The following TECR variants were observed in gnomAD, a reference collection of about 807,000 sequenced individuals.
TECR encodes trans-2,3-enoyl-CoA reductase, also known as very-long-chain enoyl-CoA reductase.
In TECR, 19 loss-of-function variants were observed where a neutral mutation model predicts 50.6. The ratio of observed to expected loss-of-function variants is 0.38; its 90% CI spans 0.26 to 0.55. The LOEUF (loss-of-function observed/expected upper bound fraction) is 0.55, where lower values mean the gene tolerates loss of function less well. Among genes scored for constraint, TECR ranks in the 20% least tolerant of loss-of-function variants. The pLI, the probability that TECR is intolerant of heterozygous loss-of-function variation, is 0.79. For missense variants in TECR, 313 were observed against 408.3 expected, an observed-to-expected ratio of 0.77 and a Z score of 2.01; for synonymous variants, 168 against 163.5, an observed-to-expected ratio of 1.03 and a Z score of -0.21.
In TECR at chr19:14,564,921, TG is replaced by T. The variant is rs779233361; in HGVS notation, c.563-25del. ...CCCCACCCAGCGGGTCCTCCCCTCA[TG>T]GGCTCCCCTCCCTGCTTCCTCTTCA... On this transcript the variant is annotated intron_variant, in intron 8 of 12. Coordinates refer to ENST00000215567, the MANE Select transcript of TECR (RefSeq NM_138501.6). The T allele has an allele frequency of 5.8e-5, 93 of 1,613,976 alleles. 1 individual carries two copies. In the South Asian group the frequency reaches 9.9e-4, roughly 17 times the overall value.
rs1342974456 is a variant in TECR at position 14,549,999 on chromosome 19, T to TG, written c.16-12525dup. Among the ~76,000 whole-genome samples the TG allele has an allele frequency of 4.0e-5, 6 of 151,792 alleles. No individual in the cohort carries two copies. The East Asian group carries it at 1.2e-3, about 29-fold the overall frequency. On this transcript the variant is annotated intron_variant, in intron 1 of 12. Transcript: ENST00000215567. ...CCTGCCCCCTTCAACTGCCACTCCC[T>TG]GTCCCCTTTCCTTTCTTTCTTCTTT...
intron 1 of TECR, among the ~76,000 whole-genome samples, chr19:14,535,564 ATATATATATATATATATATATATATG>A (rs1288960090): frequency 0.026 from 641 of 24,872 alleles, 15 homozygotes; most frequent in South Asian, 0.14. Flanking sequence ...ATATATATAT[ATATATATATATATATATATATATATG>A]TATGTATATA....
intron 1 of TECR, among the ~76,000 whole-genome samples, chr19:14,544,812 C>T (rs1005279139): frequency 2.0e-5 from 3 of 151,902 alleles, no homozygotes; most frequent in Admixed American, 1.3e-4. Context: ...TGAAAATTTT[C>T]TGTAGAGATG....
At chr19:14,556,950 C>T (rs1273435583) in intron 1 of TECR, among the ~76,000 whole-genome samples, 1 of 152,034 alleles carries the variant, frequency 6.6e-6, no homozygotes, top group Non-Finnish European at 1.5e-5. Flanking sequence ...TCACTGTGAC[C>T]AGCTGGGCGA....
intron 1 of TECR, among the ~76,000 whole-genome samples, chr19:14,551,930 TC>T (rs2073526886): frequency 9.2e-6 from 1 of 108,188 alleles, no homozygotes; most frequent in Admixed American, 9.0e-5. Context: ...TCCCTCCCTC[TC>T]TCTCTCCCTC....
intron 1 of TECR, among the ~76,000 whole-genome samples, chr19:14,544,474 T>A (rs944924478): frequency 1.3e-5 from 2 of 152,012 alleles, no homozygotes; most frequent in Non-Finnish European, 2.9e-5. Context: ...AGGACGAGGA[T>A]GCTTGCATGA....
chr19:14,544,848 G>A (rs1599444445), intron 1 of TECR, among the ~76,000 whole-genome samples: 1 of 152,112 alleles, frequency 6.6e-6, no homozygotes, highest in East Asian at 1.9e-4. Context: ...GCCTAAGCTG[G>A]TCTTGAACTC....
At chr19:14,558,481 A>T (rs2073808015) in intron 1 of TECR, among the ~76,000 whole-genome samples, 1 of 152,084 alleles carries the variant, frequency 6.6e-6, no homozygotes, top group African/African-American at 2.4e-5. Flanking sequence ...TCGTGCTGCG[A>T]CGAGTTGCTG....
upstream of TECR, chr19:14,529,517 C>A: frequency 1.2e-6 from 1 of 804,392 alleles, no homozygotes; most frequent in Non-Finnish European, 2.1e-6. Flanking sequence ...GGAGCAGGGG[C>A]GAACGTGGGC....
At chr19:14,534,942 C>T (rs956391745) in intron 1 of TECR, among the ~76,000 whole-genome samples, 8 of 152,274 alleles carry the variant, frequency 5.3e-5, no homozygotes, top group African/African-American at 1.7e-4. Context: ...GCTGGTGGCT[C>T]TCCTGCTGTG....
intron 1 of TECR, among the ~76,000 whole-genome samples, chr19:14,538,339 G>A (rs1002370097): frequency 3.9e-5 from 6 of 152,054 alleles, no homozygotes; most frequent in South Asian, 2.1e-4. Flanking sequence ...CACCCTGTGA[G>A]GCCAGGATAA....
intron 1 of TECR, among the ~76,000 whole-genome samples, chr19:14,540,921 G>C (rs941631631): frequency 6.6e-6 from 1 of 152,054 alleles, no homozygotes; most frequent in Non-Finnish European, 1.5e-5. Context: ...TGCAACTTCC[G>C]CTTTCCGGTT....
intron 1 of TECR, among the ~76,000 whole-genome samples, chr19:14,543,444 T>A (rs1265763793): frequency 0.084 from 5,054 of 60,508 alleles, 540 homozygotes; most frequent in Non-Finnish European, 0.12. Context: ...TTTTTTTTTT[T>A]TTTTTTTTTT....
chr19:14,534,062 C>T (rs2072770657), intron 1 of TECR: 1 of 152,102 alleles, frequency 6.6e-6, no homozygotes, highest in Non-Finnish European at 1.5e-5. Flanking sequence ...TGCCCATTTC[C>T]CGCAGCTGAA....
chr19:14,543,965 T>A (rs1349113789), intron 1 of TECR, among the ~76,000 whole-genome samples: 23 of 151,200 alleles, frequency 1.5e-4, no homozygotes, highest in Non-Finnish European at 2.8e-4. Flanking sequence ...CTCGAACTCC[T>A]GACCTCAAAT....
chr19:14,564,333 C>G (rs772112073), intron 7 of TECR, 46 bp downstream of exon 7: 4 of 1,428,680 alleles, frequency 2.8e-6, no homozygotes, highest in Admixed American at 4.0e-5. Flanking sequence ...CCTTTCTGCC[C>G]CACCCCGCCC....
At chr19:14,543,246 A>T (rs1451870706) in intron 1 of TECR, among the ~76,000 whole-genome samples, 1 of 143,218 alleles carries the variant, frequency 7.0e-6, no homozygotes, top group African/African-American at 2.6e-5. Context: ...GAGCTGCTGA[A>T]TGAATGTTTC....
chr19:14,553,698 T>TGTGATGGGGGCGAG (rs541482846), intron 1 of TECR, among the ~76,000 whole-genome samples: 5 of 151,996 alleles, frequency 3.3e-5, no homozygotes, highest in African/African-American at 4.8e-5. Context: ...TCTCTGCATT[T>TGTGATGGGGGCGAG]GTGATGGGGG....
chr19:14,558,919 C>T (rs888726086), intron 1 of TECR, among the ~76,000 whole-genome samples: 2 of 152,240 alleles, frequency 1.3e-5, no homozygotes, highest in Non-Finnish European at 1.5e-5. Flanking sequence ...CTGCCTGTAC[C>T]CTCTGCAGCC....
Sources: allele counts gnomAD v4.1 joint callset (sites outside exome capture counted in the v4.1 genomes callset), GRCh38; gene constraint gnomAD v4.1.1; transcripts MANE v1.5; gene names NCBI Gene and HGNC (gene_info 2026-07-23, HGNC 2026-07-21).